Variants in PDPK1 observed in about 807,000 individuals in gnomAD.
The protein encoded by PDPK1 is 3-phosphoinositide-dependent protein kinase 1.
In PDPK1, 7 loss-of-function variants were observed where a neutral mutation model predicts 39.8. The observed-to-expected ratio is 0.18, with a 90% confidence interval of 0.10 to 0.33. The LOEUF is 0.33. PDPK1 is among the 10% of genes least tolerant of loss of function. The pLI is 1.00. For synonymous variants in PDPK1, 118 were observed against 159.1 expected, an observed-to-expected ratio of 0.74 and a Z score of 1.95; for missense variants, 182 against 384.7, an observed-to-expected ratio of 0.47 and a Z score of 4.41.
At chr16:2,594,030 C>T (rs2067048296) in intron 11 of PDPK1, 1 of 152,340 alleles carries the variant, frequency 6.6e-6, no homozygotes, top group Non-Finnish European at 1.5e-5. Context: ...TGTGTGAGGC[C>T]AGGCCCTGGG....
chr16:2,577,803 A>G (rs1391074949), intron 7 of PDPK1, among the ~76,000 whole-genome samples: 1 of 149,204 alleles, frequency 6.7e-6, no homozygotes, highest in African/African-American at 2.5e-5. Context: ...CAGTGGCACC[A>G]TCTCTGCTCG....
chr16:2,560,395 CG>C (rs1185315650), intron 2 of PDPK1, among the ~76,000 whole-genome samples: 1 of 148,248 alleles, frequency 6.7e-6, no homozygotes, highest in African/African-American at 2.6e-5. Flanking sequence ...CCATGCGTGG[CG>C]TATTCCTCTG....
intron 2 of PDPK1, 68 bp downstream of exon 2, chr16:2,558,031 G>T: frequency 1.3e-6 from 2 of 1,586,270 alleles, no homozygotes; most frequent in Non-Finnish European, 1.7e-6. Context: ...CTTCCTCGGG[G>T]CTTGCCGGAG....
At chr16:2,592,826 C>T (rs1159391597) in intron 11 of PDPK1, 1 of 456,350 alleles carries the variant, frequency 2.2e-6, no homozygotes, top group Non-Finnish European at 4.4e-6. Flanking sequence ...GCACCCTGGG[C>T]CACCGGGGAG....
At chr16:2,592,217 G>A (rs13336495) in intron 11 of PDPK1, among the ~76,000 whole-genome samples, 10,245 of 152,222 alleles carry the variant, frequency 0.067, 1,157 homozygotes, top group African/African-American at 0.23. Context: ...CTTTGGCATC[G>A]GGAAAGGGGG....
At chr16:2,538,630 C>G in intron 1 of PDPK1, 2 of 1,289,086 alleles carry the variant, frequency 1.6e-6, no homozygotes, top group African/African-American at 3.0e-5. Flanking sequence ...TTCTTGATGA[C>G]AGTGGTCGGG....
rs2067202264 is a variant in PDPK1 at position 2,600,837 on chromosome 16, A to C, written c.*3070A>C. 1 of 197,794 alleles carries C rather than the reference A, an allele frequency of 5.1e-6. No individual in the cohort carries two copies. The highest frequency in any genetic ancestry group is 3.0e-5 in the African/African-American group (1 of 33,338). 12.3% of individuals were successfully genotyped at this position (197,794 alleles called of 1,614,324 possible). ...AAGACCACTGTGAGCATTTTGCCGT[A>C]TATCCTGCCCTGCCATTTGTTCACT... On this transcript the variant is annotated 3_prime_UTR_variant, in exon 14 of 14. Transcript: ENST00000342085.
chr16:2,592,975 G>C (rs1169151497), intron 11 of PDPK1: 1 of 456,714 alleles, frequency 2.2e-6, no homozygotes, highest in Non-Finnish European at 4.4e-6. Flanking sequence ...CAGTGTCCCT[G>C]GCATGGGTGA....
chr16:2,552,114 A>C (rs1323685015), intron 1 of PDPK1, among the ~76,000 whole-genome samples: 1 of 151,178 alleles, frequency 6.6e-6, no homozygotes, highest in Non-Finnish European at 1.5e-5. Flanking sequence ...GACTATAGGC[A>C]CACGCCACTA....
At chr16:2,587,946 C>G (rs1409891828) in intron 11 of PDPK1, among the ~76,000 whole-genome samples, 1 of 152,162 alleles carries the variant, frequency 6.6e-6, no homozygotes, top group African/African-American at 2.4e-5. Context: ...ACCTGCTTTT[C>G]CCTTTTGTGT....
chr16:2,585,705 C>G (rs973541258), intron 10 of PDPK1, among the ~76,000 whole-genome samples: 1 of 152,222 alleles, frequency 6.6e-6, no homozygotes, highest in Admixed American at 6.5e-5. Flanking sequence ...TTCCACCATG[C>G]CCGTTGGCGA....
chr16:2,593,079 C>T lies in PDPK1; in HGVS notation c.1344-2714C>T, dbSNP rs1483380233. On this transcript the variant is annotated intron_variant, in intron 11 of 13. Transcript: ENST00000342085. This position sits in a 1 kb window ranked among gnomAD's most constrained non-coding sequence, Gnocchi z 4.2. ...CGAGGCTACTTCTCAGTACTATTTCCGAATCGCTTCCTCAGTGAGTCCTCC... is the reference window on the plus strand; with the variant it reads ...CGAGGCTACTTCTCAGTACTATTTCTGAATCGCTTCCTCAGTGAGTCCTCC... 1.5e-5 allele frequency: 7 copies of T among 456,106 alleles called. No individual in the cohort carries two copies. The highest frequency in any genetic ancestry group is 4.6e-5 in the South Asian group (3 of 64,542). The allele number at this position is 456,106 out of a possible 1,614,324, so 28.3% of individuals were successfully genotyped here. A position where few individuals can be genotyped will look rare whatever the true frequency, so the allele number is the denominator to read the frequency against.
chr16:2,543,824 C>A (rs983528345), intron 1 of PDPK1, among the ~76,000 whole-genome samples: 23 of 152,108 alleles, frequency 1.5e-4, no homozygotes, highest in African/African-American at 5.3e-4. Flanking sequence ...CAGGTTGAAG[C>A]AATTCTCCTA....
chr16:2,586,734 A>C lies in PDPK1; in HGVS notation c.1184A>C (p.His395Pro). ...CMQVSSSSSS[H>P]SLSASDTGLP... ...CAGGTGTCTTCGTCCTCCTCCTCAC[A>C]CTCCCTGTCAGCCTCCGACACGGGC... is the stretch of plus-strand genomic sequence containing the variant. Residue 395 changes from histidine to proline, a missense_variant, in exon 11 of 14, where the codon CAC (histidine) becomes CCC (proline). Physicochemically the swap from His to Pro is moderately conservative, Grantham distance 77. Coordinates refer to ENST00000342085, the MANE Select transcript of PDPK1 (RefSeq NM_002613.5). 6.2e-7 allele frequency: 1 copy of C among 1,613,666 alleles called. No individual in the cohort carries two copies. Among genetic ancestry groups the C allele is most frequent in the South Asian group, 1.1e-5 (1 of 91,048 alleles).
chr16:2,543,656 A>G (rs1346235019), intron 1 of PDPK1, among the ~76,000 whole-genome samples: 1 of 151,756 alleles, frequency 6.6e-6, no homozygotes, highest in Admixed American at 6.5e-5. Context: ...TGCCTAGAGA[A>G]ATTTCCCTAC....
intron 1 of PDPK1, chr16:2,538,351 C>G (rs978196033): frequency 1.3e-5 from 5 of 390,646 alleles, no homozygotes; most frequent in Non-Finnish European, 2.4e-5. Flanking sequence ...GGGCGGCGGC[C>G]TGGCCGGGGG....
chr16:2,545,605 C>G (rs1224193994), intron 1 of PDPK1, among the ~76,000 whole-genome samples: 1 of 152,116 alleles, frequency 6.6e-6, no homozygotes, highest in East Asian at 1.9e-4. Flanking sequence ...AGCAATTCTC[C>G]TGCTTCAGCT....
Position 2,597,580 on chromosome 16 carries a change from A to T in PDPK1, c.1555-71A>T. On this transcript the variant is annotated intron_variant, in intron 13 of 13. Coordinates refer to ENST00000342085, the MANE Select transcript of PDPK1 (RefSeq NM_002613.5). The surrounding 1 kb of genome is among the most constrained non-coding windows in gnomAD (Gnocchi z 6.3). ...GGACTCGGAATGGCTGGTCGCAGGC[A>T]GCTCACCAGGTTGGGGTGGGGGTTT... The T allele has an allele frequency of 9.2e-7, 1 of 1,092,648 alleles. No homozygotes were observed. The highest frequency in any genetic ancestry group is 1.2e-5 in the South Asian group (1 of 80,126). 67.7% of individuals were successfully genotyped at this position (1,092,648 alleles called of 1,614,324 possible).
At chr16:2,541,318 G>T (rs1019055386) in intron 1 of PDPK1, among the ~76,000 whole-genome samples, 1 of 152,158 alleles carries the variant, frequency 6.6e-6, no homozygotes, top group Non-Finnish European at 1.5e-5. Context: ...CTGACCCAGG[G>T]TTTAGATGCT....
Sources: allele counts gnomAD v4.1 joint callset (sites outside exome capture counted in the v4.1 genomes callset), GRCh38; gene constraint gnomAD v4.1.1; non-coding constraint Gnocchi (gnomAD v3.1); transcripts MANE v1.5; gene names NCBI Gene and HGNC (gene_info 2026-07-23, HGNC 2026-07-21).